Variants in NDUFA10 observed in about 807,000 individuals in gnomAD.
NDUFA10 encodes NADH dehydrogenase [ubiquinone] 1 alpha subcomplex subunit 10, mitochondrial.
Under a neutral mutation model 47.8 loss-of-function variants are expected in NDUFA10, and 40 were observed. That is an observed-to-expected ratio of 0.84 (90% confidence interval 0.65 to 1.09). NDUFA10 has a LOEUF of 1.09. Ranked by LOEUF, NDUFA10 falls within the 50% of genes least tolerant of loss-of-function variation. The pLI, the probability that NDUFA10 is intolerant of heterozygous loss-of-function variation, is 0.00. For synonymous variants in NDUFA10, 183 were observed against 172.2 expected (o/e 1.06, Z -0.49); for missense variants, 413 against 451.1 (o/e 0.92, Z 0.76).
At chr2:239,948,706 C>T (rs553307765) in intron 4 of NDUFA10, among the ~76,000 whole-genome samples, 28 of 152,336 alleles carry the variant, frequency 1.8e-4, no homozygotes, top group South Asian at 1.7e-3. Context: ...AGCCTGACGA[C>T]GCAACTCAGT....
At chr2:239,968,375 A>G (rs1226194093) in intron 9 of NDUFA10, among the ~76,000 whole-genome samples, 1 of 152,234 alleles carries the variant, frequency 6.6e-6, no homozygotes, top group East Asian at 1.9e-4. Context: ...CTGACATGGA[A>G]AAATGCCCCC....
chr2:239,962,985 G>A (rs1293761920), intron 9 of NDUFA10, among the ~76,000 whole-genome samples: 1 of 152,122 alleles, frequency 6.6e-6, no homozygotes, highest in African/African-American at 2.4e-5. Flanking sequence ...TCCAACAGGG[G>A]ATCAGATTTC....
intron 4 of NDUFA10, among the ~76,000 whole-genome samples, chr2:239,900,623 C>T (rs1693527213): frequency 6.6e-6 from 1 of 151,646 alleles, no homozygotes; most frequent in Non-Finnish European, 1.5e-5. Flanking sequence ...GGGAAGTCAC[C>T]CACATAGCCC....
At chr2:239,940,771 G>A (rs750557343) in intron 4 of NDUFA10, among the ~76,000 whole-genome samples, 3 of 152,156 alleles carry the variant, frequency 2.0e-5, no homozygotes, top group Admixed American at 6.5e-5. Flanking sequence ...AAGGCAAACC[G>A]GGCTCTCTCC....
At chr2:239,937,266 G>C (rs75688901) in intron 4 of NDUFA10, among the ~76,000 whole-genome samples, 1 of 152,198 alleles carries the variant, frequency 6.6e-6, no homozygotes. Context: ...TATGCAACTC[G>C]ATGTTTTCAG....
chr2:239,925,001 A>G (rs1244755672), intron 4 of NDUFA10, among the ~76,000 whole-genome samples: 3 of 152,158 alleles, frequency 2.0e-5, no homozygotes, highest in Non-Finnish European at 4.4e-5. Context: ...TAAACATGCC[A>G]TGTGCAGGAT....
rs10202586 is a variant in NDUFA10, at chr2:240,005,558, C to T, written c.805-263G>A. ...TTTTAGTAGAGATGGGGTCTCACCA[C>T]GTTGCCCAGGCTGGTCTCAAACTCC... On this transcript the variant is annotated intron_variant, in intron 7 of 9. Coordinates refer to ENST00000252711, the MANE Select transcript of NDUFA10 (RefSeq NM_004544.4). Among the ~76,000 whole-genome samples the T allele has an allele frequency of 0.7, 106,011 of 151,940 alleles. 37,329 individuals carry two copies. The highest frequency in any genetic ancestry group is 0.79 in the African/African-American group (32,928 of 41,432).
intron 4 of NDUFA10, among the ~76,000 whole-genome samples, chr2:239,933,732 T>C (rs1017325372): frequency 1.2e-4 from 18 of 152,096 alleles, no homozygotes; most frequent in Non-Finnish European, 2.2e-4. Context: ...GAATGATATG[T>C]AGGGCCCTGT....
intron 1 of NDUFA10, among the ~76,000 whole-genome samples, chr2:240,024,104 G>A (rs1371579840): frequency 2.0e-5 from 3 of 152,196 alleles, no homozygotes; most frequent in African/African-American, 7.2e-5. Context: ...CTTACTACAT[G>A]AGTAATCGCT....
At chr2:239,991,913 T>C (rs1170290364) in intron 8 of NDUFA10, among the ~76,000 whole-genome samples, 2 of 152,202 alleles carry the variant, frequency 1.3e-5, no homozygotes, top group East Asian at 3.8e-4. Context: ...TATGCTTAAT[T>C]TGGCAACATT....
chr2:239,960,870 C>T lies in NDUFA10; in HGVS notation c.*248G>A, dbSNP rs1694826914. On this transcript the variant is annotated 3_prime_UTR_variant, in exon 10 of 10. Coordinates refer to ENST00000252711, the MANE Select transcript of NDUFA10 (RefSeq NM_004544.4). ...GCCTTTCACAGCAGACCACTGTTTT[C>T]CAGTGAGAATGGTGGGCCATTCCAA... 2 of 1,402,640 alleles carry T rather than the reference C, an allele frequency of 1.4e-6. No homozygotes were observed. Among genetic ancestry groups the T allele is most frequent in the South Asian group, 1.4e-5 (1 of 69,860 alleles). The allele number at this position is 1,402,640 out of a possible 1,614,324, so 86.9% of individuals were successfully genotyped here.
rs901734042 is a variant in NDUFA10, at chr2:239,945,943, G to A, written c.294+44131C>T. On this transcript the variant is annotated intron_variant, in intron 4 of 5. Transcript: ENST00000419408. The surrounding 1 kb of genome is among the most constrained non-coding windows in gnomAD (Gnocchi z 4.6). ...TGCGCTGAGAATGGGATCCGCTTGC[G>A]GACAGGAAGCAGCCCAGAGCCTCAC... Among the ~76,000 whole-genome samples the A allele has an allele frequency of 1.4e-4, 21 of 152,168 alleles. No homozygotes were observed. The highest frequency in any genetic ancestry group is 2.1e-4 in the South Asian group (1 of 4,834).
At chr2:239,914,464 CACAG>C (rs1288840913) in intron 4 of NDUFA10, among the ~76,000 whole-genome samples, 3 of 145,216 alleles carry the variant, frequency 2.1e-5, no homozygotes, top group African/African-American at 5.3e-5. Flanking sequence ...AACATACACA[CACAG>C]ACACACACAA....
At chr2:239,944,337 C>T (rs960747902) in intron 4 of NDUFA10, among the ~76,000 whole-genome samples, 5 of 152,220 alleles carry the variant, frequency 3.3e-5, no homozygotes, top group Admixed American at 2.6e-4. Context: ...TCCAGCCTGG[C>T]GTCCCCCATG....
chr2:239,942,584 C>T (rs1445721799), intron 4 of NDUFA10, among the ~76,000 whole-genome samples: 6 of 152,134 alleles, frequency 3.9e-5, no homozygotes, highest in Non-Finnish European at 8.8e-5. Context: ...AATTCATGTT[C>T]TTATCAAACT....
chr2:239,914,207 GAC>G (rs1366442690), intron 4 of NDUFA10, among the ~76,000 whole-genome samples: 8 of 140,060 alleles, frequency 5.7e-5, no homozygotes, highest in African/African-American at 8.1e-5. Flanking sequence ...CACAAATATA[GAC>G]ACACACAGAG....
At chr2:240,018,253 C>T (rs1265931304) in intron 4 of NDUFA10, among the ~76,000 whole-genome samples, 1 of 152,066 alleles carries the variant, frequency 6.6e-6, no homozygotes. Flanking sequence ...AAGCTAAGAG[C>T]GGGGGAGGTT....
intron 4 of NDUFA10, among the ~76,000 whole-genome samples, chr2:239,922,712 C>T (rs1694009001): frequency 6.6e-6 from 1 of 152,172 alleles, no homozygotes; most frequent in South Asian, 2.1e-4. Context: ...CCAGGGACAC[C>T]TGGTTTAAAA....
chr2:240,019,172 C>T (rs1697501613), intron 3 of NDUFA10, among the ~76,000 whole-genome samples: 1 of 152,198 alleles, frequency 6.6e-6, no homozygotes. Flanking sequence ...CAGCCTCTCC[C>T]CACAGCCTCC....
Sources: allele counts gnomAD v4.1 joint callset (sites outside exome capture counted in the v4.1 genomes callset), GRCh38; gene constraint gnomAD v4.1.1; non-coding constraint Gnocchi (gnomAD v3.1); transcripts MANE v1.5; gene names NCBI Gene and HGNC (gene_info 2026-07-23, HGNC 2026-07-21).